Variants in PCLO observed in about 807,000 individuals in gnomAD.
The protein encoded by PCLO is protein piccolo.
A neutral mutation model predicts 427.5 loss-of-function variants in PCLO; 82 were observed. The ratio of observed to expected loss-of-function variants is 0.19; its 90% CI spans 0.16 to 0.23. The LOEUF is 0.23. PCLO is among the 10% of genes least tolerant of loss of function. The pLI is 1.00. For missense variants in PCLO, 6,239 were observed against 6,115.9 expected (o/e 1.02, Z -0.67); for synonymous variants, 2,357 against 2,155.4 (o/e 1.09, Z -2.59).
intron 3 of PCLO, among the ~76,000 whole-genome samples, chr7:82,995,569 T>A (rs1256006829): frequency 6.6e-6 from 1 of 151,958 alleles, no homozygotes; most frequent in Non-Finnish European, 1.5e-5. Flanking sequence ...GGTGGAAATA[T>A]TGCAACTACT....
intron 3 of PCLO, among the ~76,000 whole-genome samples, chr7:83,030,018 G>A (rs1398315199): frequency 6.9e-6 from 1 of 145,750 alleles, no homozygotes; most frequent in African/African-American, 2.5e-5. Flanking sequence ...GCTAGATGAC[G>A]AGTTAGTGGG....
At chr7:83,042,680 G>A (rs1434413942) in intron 3 of PCLO, among the ~76,000 whole-genome samples, 1 of 152,124 alleles carries the variant, frequency 6.6e-6, no homozygotes, top group Non-Finnish European at 1.5e-5. Flanking sequence ...GGCCAACAGG[G>A]TGAAACTTTA....
intron 18 of PCLO, among the ~76,000 whole-genome samples, chr7:82,826,045 G>A (rs1000804125): frequency 2.6e-5 from 4 of 151,068 alleles, no homozygotes; most frequent in African/African-American, 9.7e-5. Context: ...TACATAGTAA[G>A]TGTATATATT....
In PCLO at chr7:83,039,522, T is replaced by C. The variant is rs113757467; in HGVS notation, c.3301-73035A>G. On this transcript the variant is annotated intron_variant, in intron 3 of 24. Coordinates refer to ENST00000333891, the MANE Select transcript of PCLO (RefSeq NM_033026.6). ...TTGTCAAATATCAGTTGACCATAGG[T>C]ACATGGGTTTATACCTAGGCTTTAA... Among the ~76,000 whole-genome samples, 889 of 152,232 alleles carry C rather than the reference T, an allele frequency of 5.8e-3. 2 individuals are homozygous for C. The highest frequency in any genetic ancestry group is 8.0e-3 in the Non-Finnish European group (543 of 67,966).
chr7:82,772,290 C>T (rs1026187443), intron 22 of PCLO, among the ~76,000 whole-genome samples: 10 of 151,966 alleles, frequency 6.6e-5, no homozygotes, highest in Non-Finnish European at 1.3e-4. Flanking sequence ...AGAGATATTT[C>T]GGATATTTTT....
chr7:82,925,224 T>C (rs1794686154), intron 6 of PCLO, among the ~76,000 whole-genome samples: 1 of 152,180 alleles, frequency 6.6e-6, no homozygotes. Context: ...CTCTTAAGCA[T>C]TGGGAAGGGA....
At chr7:82,787,762 T>A (rs10262970) in intron 22 of PCLO, among the ~76,000 whole-genome samples, 54,576 of 151,746 alleles carry the variant, frequency 0.36, 10,387 homozygotes, top group African/African-American at 0.46. Context: ...GCTGACTATT[T>A]AAAAAAACCC....
At chr7:83,131,496 G>A (rs1213267172) in intron 3 of PCLO, among the ~76,000 whole-genome samples, 2 of 152,098 alleles carry the variant, frequency 1.3e-5, no homozygotes, top group Non-Finnish European at 2.9e-5. Flanking sequence ...ATAGCCAAAG[G>A]GAGAGGGGGC....
intron 22 of PCLO, among the ~76,000 whole-genome samples, chr7:82,799,153 A>G (rs2129468604): frequency 6.6e-6 from 1 of 152,344 alleles, no homozygotes; most frequent in South Asian, 2.1e-4. Flanking sequence ...AGGTAAAATT[A>G]AGTAGCTAAA....
At chr7:82,876,683 G>A (rs1169546755) in intron 10 of PCLO, among the ~76,000 whole-genome samples, 15 of 152,084 alleles carry the variant, frequency 9.9e-5, no homozygotes, top group African/African-American at 2.4e-5. Context: ...TGTACCATAT[G>A]TTAACATTAT....
chr7:82,855,087 C>A (rs1410988567), intron 10 of PCLO, among the ~76,000 whole-genome samples: 1 of 151,944 alleles, frequency 6.6e-6, no homozygotes, highest in African/African-American at 2.4e-5. Flanking sequence ...TAGCTCCAAT[C>A]ACAAAAAAGT....
At chr7:83,066,459 C>G (rs533456835) in intron 3 of PCLO, among the ~76,000 whole-genome samples, 2 of 152,158 alleles carry the variant, frequency 1.3e-5, no homozygotes, top group East Asian at 3.9e-4. Context: ...TGCATGAACA[C>G]ACATCTATAA....
In PCLO at chr7:82,827,981, A is replaced by T. The variant is rs756958655; in HGVS notation, c.14250-15T>A. 1.4e-6 allele frequency: 2 copies of T among 1,440,620 alleles called. No homozygotes were observed. Among genetic ancestry groups the T allele is most frequent in the Admixed American group, 3.4e-5 (2 of 58,008 alleles). 89.2% of individuals were successfully genotyped at this position (1,440,620 alleles called of 1,614,324 possible). A position where few individuals can be genotyped will look rare whatever the true frequency, so the allele number is the denominator to read the frequency against. On this transcript the variant is annotated splice_polypyrimidine_tract_variant and intron_variant, in intron 16 of 24. Transcript: ENST00000333891. Reference sequence around the variant, plus strand: ...TGTACTCAGCACTGAATTGGGAGAAAAGAAAGAGTTATCTTGATTATTCAC... The same window carrying T: ...TGTACTCAGCACTGAATTGGGAGAATAGAAAGAGTTATCTTGATTATTCAC...
At chr7:82,829,584 A>G (rs2115698928) in intron 16 of PCLO, among the ~76,000 whole-genome samples, 1 of 152,274 alleles carries the variant, frequency 6.6e-6, no homozygotes, top group African/African-American at 2.4e-5. Context: ...AATTACAAAG[A>G]ATTTTAGGGA....
chr7:82,829,416 C>T (rs1044207610), intron 16 of PCLO, among the ~76,000 whole-genome samples: 8 of 152,026 alleles, frequency 5.3e-5, no homozygotes, highest in Non-Finnish European at 8.8e-5. Flanking sequence ...TAATATGTAG[C>T]GAAGATTAAG....
chr7:83,116,125 C>T (rs983842814), intron 3 of PCLO, among the ~76,000 whole-genome samples: 2 of 151,906 alleles, frequency 1.3e-5, no homozygotes, highest in Non-Finnish European at 2.9e-5. Context: ...ATGAAACTAC[C>T]ATGTAAATTC....
At chr7:83,026,316 T>C (rs912340771) in intron 3 of PCLO, among the ~76,000 whole-genome samples, 17 of 151,976 alleles carry the variant, frequency 1.1e-4, no homozygotes, top group Non-Finnish European at 2.2e-4. Flanking sequence ...CAGTCTCTGA[T>C]AAAACAGACT....
Position 82,824,215 on chromosome 7 carries a change from ACT to A in PCLO, c.14596+19_14596+20del. ...AACAAATAGACACAAAACTTTTTCT[ACT>A]TAAAAAAATATTTCCTACCCTTTGA... is the stretch of plus-strand genomic sequence containing the variant. On this transcript the variant is annotated intron_variant, in intron 19 of 24. Transcript: ENST00000333891. 6.5e-7 allele frequency: 1 copy of A among 1,547,790 alleles called. No homozygotes were observed. The highest frequency in any genetic ancestry group is 8.7e-7 in the Non-Finnish European group (1 of 1,143,068).
chr7:82,804,159 T>C (rs1049726617), intron 21 of PCLO, among the ~76,000 whole-genome samples: 7 of 152,172 alleles, frequency 4.6e-5, no homozygotes, highest in Non-Finnish European at 8.8e-5. Flanking sequence ...TAGAAATTCT[T>C]TTCTGTCAAA....
Sources: allele counts gnomAD v4.1 joint callset (sites outside exome capture counted in the v4.1 genomes callset), GRCh38; gene constraint gnomAD v4.1.1; transcripts MANE v1.5; gene names NCBI Gene and HGNC (gene_info 2026-07-23, HGNC 2026-07-21).